The following RNF2 variants were observed in gnomAD, a reference collection of about 807,000 sequenced individuals.
RNF2 encodes the protein ring finger protein 2, also known as E3 ubiquitin-protein ligase RING2.
In RNF2, 6 loss-of-function variants were observed where a neutral mutation model predicts 37.2. That is an observed-to-expected ratio of 0.16 (90% CI 0.09 to 0.32). The LOEUF is 0.32. Ranked by LOEUF, RNF2 falls within the 10% of genes least tolerant of loss-of-function variation. The pLI is 1.00. For missense variants in RNF2, 251 were observed against 404.0 expected (o/e 0.62, Z 3.25); for synonymous variants, 133 against 132.7 (o/e 1.00, Z -0.02).
At chr1:185,068,303 CA>C (rs1258274869) in intron 1 of RNF2, among the ~76,000 whole-genome samples, 2 of 152,106 alleles carry the variant, frequency 1.3e-5, no homozygotes, top group African/African-American at 2.4e-5. Context: ...AAATGTCCCC[CA>C]AAAGATATCT....
At chr1:185,050,983 CT>C (rs1041029338) in intron 1 of RNF2, among the ~76,000 whole-genome samples, 1 of 152,162 alleles carries the variant, frequency 6.6e-6, no homozygotes, top group Non-Finnish European at 1.5e-5. Context: ...TCTTTGTTGT[CT>C]TTTTTTCTCC....
At chr1:185,058,310 T>C (rs1650494076) in intron 1 of RNF2, among the ~76,000 whole-genome samples, 1 of 152,182 alleles carries the variant, frequency 6.6e-6, no homozygotes, top group African/African-American at 2.4e-5. Flanking sequence ...TGGCTTTTGG[T>C]GTCTGTGGTG....
intron 1 of RNF2, among the ~76,000 whole-genome samples, chr1:185,058,793 A>C (rs1650514121): frequency 1.3e-5 from 2 of 152,162 alleles, no homozygotes; most frequent in African/African-American, 4.8e-5. Flanking sequence ...TATTGTTTGG[A>C]GCTCTTTGCA....
In RNF2 at chr1:185,102,142, C is replaced by G. The variant is rs2102213975; in HGVS notation, c.*1841C>G. On this transcript the variant is annotated 3_prime_UTR_variant, in exon 7 of 7. Coordinates refer to ENST00000367510, the MANE Select transcript of RNF2 (RefSeq NM_007212.4). The stretch of plus-strand genomic sequence containing the variant: ...AGAGAATGTATGTGTTTTTATCTGT[C>G]AGTATGGGAGGATATAAACTGCATC... 6.6e-6 allele frequency: 1 copy of G among 152,488 alleles called. No homozygotes were observed. The highest frequency in any genetic ancestry group is 1.9e-4 in the East Asian group (1 of 5,186). The allele number at this position is 152,488 out of a possible 1,614,324, so 9.4% of individuals were successfully genotyped here. A position where few individuals can be genotyped will look rare whatever the true frequency, so the allele number is the denominator to read the frequency against.
At chr1:185,085,393 C>T (rs1181053984) in intron 1 of RNF2, among the ~76,000 whole-genome samples, 1 of 151,966 alleles carries the variant, frequency 6.6e-6, no homozygotes, top group Non-Finnish European at 1.5e-5. Flanking sequence ...GCCTCGGCCT[C>T]CCAAAGTGCT....
intron 1 of RNF2, among the ~76,000 whole-genome samples, chr1:185,076,432 A>G (rs1462178609): frequency 6.6e-6 from 1 of 150,500 alleles, no homozygotes. Context: ...CTGGGACTAC[A>G]GGCGCGTGCC....
intron 1 of RNF2, among the ~76,000 whole-genome samples, chr1:185,058,628 T>C (rs1650509832): frequency 9.2e-5 from 14 of 152,236 alleles, no homozygotes; most frequent in Admixed American, 9.2e-4. Flanking sequence ...TTTGAGAGAA[T>C]GGATTTTGCT....
At chr1:185,074,679 G>A (rs970398220) in intron 1 of RNF2, among the ~76,000 whole-genome samples, 1 of 151,842 alleles carries the variant, frequency 6.6e-6, no homozygotes, top group African/African-American at 2.4e-5. Flanking sequence ...GAAAATATTA[G>A]GGAAAAAAAA....
In RNF2 at chr1:185,058,381, T is replaced by A. The variant is rs187211983; in HGVS notation, c.-3+12732T>A. ...GAGGACTGTACTCTGTAATTTTGTG[T>A]GCATGTGCTTTTGTATGTCTTTTTT... On this transcript the variant is annotated intron_variant, in intron 1 of 6. Transcript: ENST00000367510. Among the ~76,000 whole-genome samples the A allele has an allele frequency of 2.2e-3, 337 of 152,300 alleles. 1 individual carries two copies. Among genetic ancestry groups the A allele is most frequent in the South Asian group, 3.9e-3 (19 of 4,828 alleles).
intron 1 of RNF2, among the ~76,000 whole-genome samples, chr1:185,060,188 G>A (rs1215350183): frequency 6.6e-6 from 1 of 152,120 alleles, no homozygotes; most frequent in African/African-American, 2.4e-5. Context: ...TTCTCTTTTT[G>A]GTTTGTCTTT....
intron 1 of RNF2, among the ~76,000 whole-genome samples, chr1:185,082,464 C>G (rs1168636289): frequency 6.6e-6 from 1 of 151,352 alleles, no homozygotes; most frequent in African/African-American, 2.4e-5. Context: ...GATCCTCCTG[C>G]CTCAGCCCCC....
rs774533536 is a variant in RNF2, at chr1:185,100,252, TG to T, written c.963del (p.Asn322ThrfsTer33). The stretch of plus-strand genomic sequence containing the variant: ...TTGGTCAGTGAGAAATACTGGAAAG[TG>T]AACAAACCCATGGAACTTTATTACG... ...LELVSEKYWK[V>X]NKPMELYYAP... On this transcript the variant is annotated frameshift_variant, in exon 7 of 7. Transcript: ENST00000367510. LOFTEE classifies it high-confidence loss of function. 6.2e-7 allele frequency: 1 copy of T among 1,612,492 alleles called. No individual in the cohort carries two copies. Among genetic ancestry groups the T allele is most frequent in the Non-Finnish European group, 8.5e-7 (1 of 1,179,454 alleles).
At chr1:185,087,312 CTG>C (rs1480100559) in intron 1 of RNF2, among the ~76,000 whole-genome samples, 8 of 152,324 alleles carry the variant, frequency 5.3e-5, no homozygotes, top group South Asian at 2.1e-4. Context: ...AGCTGCTTCT[CTG>C]TGTCAGAACA....
At chr1:185,087,282 G>A (rs1392206341) in intron 1 of RNF2, among the ~76,000 whole-genome samples, 2 of 152,160 alleles carry the variant, frequency 1.3e-5, no homozygotes, top group African/African-American at 4.8e-5. Flanking sequence ...TGCAGTGTCT[G>A]GTGAGGGCCT....
intron 1 of RNF2, among the ~76,000 whole-genome samples, chr1:185,066,980 A>G (rs193136229): frequency 1.1e-3 from 172 of 152,328 alleles, no homozygotes; most frequent in Non-Finnish European, 1.9e-3. Context: ...TTGTAAGACA[A>G]CTTAGTTATA....
chr1:185,101,840 T>G lies in RNF2; in HGVS notation c.*1539T>G, dbSNP rs1652087195. On this transcript the variant is annotated 3_prime_UTR_variant, in exon 7 of 7. Transcript: ENST00000367510. ...AAATCTGTTTTTACAGGGTTTTTTT[T>G]TTTTTTTTTTTTTTGTAATCTGTGC... 1 of 148,266 alleles carries G rather than the reference T, an allele frequency of 6.7e-6. No homozygotes were observed. Among genetic ancestry groups the G allele is most frequent in the African/African-American group, 2.5e-5 (1 of 40,100 alleles). The allele number at this position is 148,266 out of a possible 1,614,324, so 9.2% of individuals were successfully genotyped here.
chr1:185,047,782 A>ACC (rs1571287547), intron 1 of RNF2, among the ~76,000 whole-genome samples: 1 of 152,354 alleles, frequency 6.6e-6, no homozygotes, highest in East Asian at 1.9e-4. Context: ...TTTTAAAAGA[A>ACC]AAATAAGAGA....
chr1:185,089,424 G>A (rs926998970), intron 2 of RNF2, among the ~76,000 whole-genome samples: 3 of 152,184 alleles, frequency 2.0e-5, no homozygotes, highest in Non-Finnish European at 2.9e-5. Flanking sequence ...ATCTGTGGAA[G>A]TTCCTGGAGC....
intron 1 of RNF2, among the ~76,000 whole-genome samples, chr1:185,069,486 A>G (rs1307482450): frequency 6.6e-6 from 1 of 151,908 alleles, no homozygotes; most frequent in African/African-American, 2.4e-5. Context: ...GAAATGCAGA[A>G]CATACACATT....
Sources: allele counts gnomAD v4.1 joint callset (sites outside exome capture counted in the v4.1 genomes callset), GRCh38; gene constraint gnomAD v4.1.1; transcripts MANE v1.5; gene names NCBI Gene and HGNC (gene_info 2026-07-23, HGNC 2026-07-21).